The following TENM3 variants were observed in gnomAD, a reference collection of about 807,000 sequenced individuals.
TENM3 encodes teneurin-3.
Under a neutral mutation model 255.1 loss-of-function variants are expected in TENM3, and 63 were observed. The ratio of observed to expected loss-of-function variants is 0.25; its 90% CI spans 0.20 to 0.30. The LOEUF (loss-of-function observed/expected upper bound fraction) is 0.30. Among genes scored for constraint, TENM3 ranks in the 10% least tolerant of loss-of-function variants. The pLI is 1.00. For synonymous variants in TENM3, 1,306 were observed against 1,322.3 expected (o/e 0.99, Z 0.27); for missense variants, 2,929 against 3,461.1 (o/e 0.85, Z 3.86).
the TENM3 span, among the ~76,000 whole-genome samples, chr4:181,595,168 C>T: frequency 0.033 from 4,966 of 152,106 alleles, 109 homozygotes; most frequent in Non-Finnish European, 0.047. Flanking sequence ...TGGTGGCTCA[C>T]GCCTGTAATC....
the TENM3 span, among the ~76,000 whole-genome samples, chr4:181,664,497 A>G: frequency 6.6e-5 from 10 of 152,102 alleles, no homozygotes; most frequent in East Asian, 1.7e-3. Flanking sequence ...AAAACAAAAA[A>G]ATAGAATCTA....
At chr4:182,131,104 T>A in the TENM3 span, among the ~76,000 whole-genome samples, 1 of 152,156 alleles carries the variant, frequency 6.6e-6, no homozygotes, top group Non-Finnish European at 1.5e-5. Flanking sequence ...AATAGACCTT[T>A]CTTATATAAA....
At chr4:181,886,116 G>A in the TENM3 span, among the ~76,000 whole-genome samples, 11 of 144,776 alleles carry the variant, frequency 7.6e-5, no homozygotes, top group African/African-American at 2.8e-4. Context: ...GCAGTGGCGT[G>A]ATCGCCACTC....
intron 19 of TENM3, among the ~76,000 whole-genome samples, chr4:182,750,384 C>T (rs1037164371): frequency 4.0e-5 from 6 of 150,262 alleles, no homozygotes; most frequent in South Asian, 2.2e-4. Context: ...AACATCACAG[C>T]CTAAGAGCTC....
chr4:182,580,615 G>T lies in TENM3; in HGVS notation c.512-20309G>T, dbSNP rs138861639. Among the ~76,000 whole-genome samples, 412 of 152,088 alleles carry T rather than the reference G, an allele frequency of 2.7e-3. 1 individual carries two copies. The highest frequency in any genetic ancestry group is 9.1e-3 in the African/African-American group (379 of 41,480). On this transcript the variant is annotated intron_variant, in intron 3 of 27. Transcript: ENST00000511685. ...AATCTTCATATTTCTGACTTGCCTT[G>T]AAATCAGAAAGTGTTTTCATTATGC...
intron 3 of TENM3, among the ~76,000 whole-genome samples, chr4:182,508,921 C>T (rs752148691): frequency 9.9e-5 from 15 of 152,140 alleles, no homozygotes; most frequent in South Asian, 2.1e-4. Context: ...GAGATATGAA[C>T]GTCCAGTAAA....
At position 182,755,123 on chromosome 4, in the gene TENM3, T is replaced by A; in HGVS notation, c.4756T>A (p.Trp1586Arg). 1 of 1,613,970 alleles carries A rather than the reference T, an allele frequency of 6.2e-7. No individual in the cohort carries two copies. The highest frequency in any genetic ancestry group is 8.5e-7 in the Non-Finnish European group (1 of 1,179,892). Reference sequence around the variant, plus strand: ...GGTGTCTCCTGATAACCAAGTGATATGGTTGACAATAGGAACAAATGGATG... The same window carrying A: ...GGTGTCTCCTGATAACCAAGTGATAAGGTTGACAATAGGAACAAATGGATG... Reference protein sequence around the residue: ...RVVSPDNQVIWLTIGTNGCLK... With the variant: ...RVVSPDNQVIRLTIGTNGCLK... Residue 1586 changes from tryptophan (W) to arginine (R), a missense_variant, in exon 22 of 28, where the codon TGG (tryptophan) becomes AGG (arginine). By Grantham distance (101) the Trp-to-Arg change is moderately radical. Coordinates refer to ENST00000511685, the MANE Select transcript of TENM3 (RefSeq NM_001080477.4).
the TENM3 span, among the ~76,000 whole-genome samples, chr4:181,605,078 C>T: frequency 6.6e-6 from 1 of 152,236 alleles, no homozygotes; most frequent in African/African-American, 2.4e-5. Flanking sequence ...ATAAATGCAG[C>T]ATTAGTGTAC....
the TENM3 span, among the ~76,000 whole-genome samples, chr4:181,721,955 A>G: frequency 6.6e-6 from 1 of 152,148 alleles, no homozygotes; most frequent in African/African-American, 2.4e-5. Flanking sequence ...ACTTACCACT[A>G]AGGCTGGTCA....
intron 3 of TENM3, among the ~76,000 whole-genome samples, chr4:182,384,564 C>T (rs4862058): frequency 0.87 from 132,986 of 152,138 alleles, 58,424 homozygotes; most frequent in African/African-American, 0.9. Context: ...CATTGACTTT[C>T]AAAAACACCA....
the TENM3 span, among the ~76,000 whole-genome samples, chr4:181,658,198 A>AAAG: frequency 6.6e-6 from 1 of 152,206 alleles, no homozygotes; most frequent in Non-Finnish European, 1.5e-5. Flanking sequence ...CACTAGAAAA[A>AAAG]AAGAATGTTG....
the TENM3 span, among the ~76,000 whole-genome samples, chr4:181,963,206 C>T: frequency 1.6e-4 from 25 of 152,084 alleles, no homozygotes; most frequent in African/African-American, 5.8e-4. Flanking sequence ...GAGCCCGATC[C>T]GTCAGTGGCT....
chr4:182,094,855 A>G, the TENM3 span, among the ~76,000 whole-genome samples: 1 of 152,168 alleles, frequency 6.6e-6, no homozygotes, highest in Non-Finnish European at 1.5e-5. Context: ...AATTAAAGTA[A>G]AAATCATTTC....
intron 22 of TENM3, among the ~76,000 whole-genome samples, chr4:182,767,397 A>G (rs1480398751): frequency 6.6e-6 from 1 of 152,140 alleles, no homozygotes; most frequent in Non-Finnish European, 1.5e-5. Flanking sequence ...CTTCACCTCA[A>G]CAACAGATAC....
intron 5 of TENM3, among the ~76,000 whole-genome samples, chr4:182,645,397 G>A (rs993142392): frequency 6.6e-5 from 10 of 152,088 alleles, no homozygotes; most frequent in African/African-American, 2.4e-4. Context: ...TGAAAGGAAG[G>A]TCAAGGAAGG....
chr4:181,448,566 G>GA, the TENM3 span, among the ~76,000 whole-genome samples: 5 of 152,044 alleles, frequency 3.3e-5, no homozygotes, highest in Admixed American at 1.3e-4. Context: ...ATGTCACCAG[G>GA]AAAAAAATCT....
In TENM3 at chr4:182,679,795, T is replaced by G. The variant is rs1380234662; in HGVS notation, c.1456T>G (p.Leu486Val). 1 of 1,613,970 alleles carries G rather than the reference T, an allele frequency of 6.2e-7. No homozygotes were observed. Among genetic ancestry groups the G allele is most frequent in the African/African-American group, 1.3e-5 (1 of 75,044 alleles). ...SLHEAGFIQYLDSGIWHLAFY... is the reference protein window; with the variant it reads ...SLHEAGFIQYVDSGIWHLAFY... ...TCATGAGGCCGGCTTTATCCAGTACTTGGATTCTGGAATCTGGCATCTGGC... is the reference window on the plus strand; with the variant it reads ...TCATGAGGCCGGCTTTATCCAGTACGTGGATTCTGGAATCTGGCATCTGGC... Residue 486 changes from leucine to valine, a missense_variant, in exon 8 of 28, where the codon TTG becomes GTG. By Grantham distance (32) the Leu-to-Val change is conservative. This residue lies in a region of TENM3 where 1,608 missense variants were observed against 1,884.4 expected (regional missense o/e 0.85). Transcript: ENST00000511685.
intron 15 of TENM3, 70 bp from the exon 16 acceptor site, chr4:182,730,808 T>C (rs1760634641): frequency 1.3e-6 from 2 of 1,524,060 alleles, no homozygotes; most frequent in African/African-American, 2.8e-5. Flanking sequence ...GCATATTAAC[T>C]TAAGGAGGTG....
chr4:181,775,437 T>A, the TENM3 span, among the ~76,000 whole-genome samples: 1 of 152,336 alleles, frequency 6.6e-6, no homozygotes, highest in Admixed American at 6.5e-5. Flanking sequence ...GAATTCATTT[T>A]ATTGGTTACA....
Sources: allele counts gnomAD v4.1 joint callset (sites outside exome capture counted in the v4.1 genomes callset), GRCh38; gene constraint gnomAD v4.1.1; regional missense constraint gnomAD v4.1.1; transcripts MANE v1.5; gene names NCBI Gene and HGNC (gene_info 2026-07-23, HGNC 2026-07-21).